Variants in SF3A1 observed in about 807,000 individuals in gnomAD.
The protein encoded by SF3A1 is SAP 114.
A neutral mutation model predicts 89.9 loss-of-function variants in SF3A1; 13 were observed. The observed-to-expected ratio is 0.14, with a 90% CI of 0.09 to 0.23. SF3A1 has a LOEUF of 0.23. SF3A1 is among the 10% of genes least tolerant of loss of function. SF3A1 has a pLI of 1.00. For missense variants in SF3A1, 604 were observed against 1,022.1 expected (o/e 0.59, Z 5.58); for synonymous variants, 405 against 374.4 (o/e 1.08, Z -0.94).
At position 30,339,032 on chromosome 22, in the gene SF3A1, C is replaced by A; in HGVS notation, c.1500G>T (p.Val500=). 6.2e-7 allele frequency: 1 copy of A among 1,613,986 alleles called. No homozygotes were observed. Among genetic ancestry groups the A allele is most frequent in the South Asian group, 1.1e-5 (1 of 91,060 alleles). Residue 500 remains valine, a splice_region_variant and synonymous_variant, in exon 11 of 16, where the codon GTG becomes GTT. Transcript: ENST00000215793. ...EEEIQKPEEK[V]TWDGHSGSMA... Reference sequence around the variant, plus strand: ...TGCTGCCTGAGTGGCCATCCCAGGTCACCTGCAAGTGAAAGCAAAGCCACA... The same window carrying A: ...TGCTGCCTGAGTGGCCATCCCAGGTAACCTGCAAGTGAAAGCAAAGCCACA...
Position 30,345,181 on chromosome 22 carries a change from G to T in SF3A1, c.403C>A (p.Gln135Lys), listed in dbSNP as rs1931381660. The T allele has an allele frequency of 1.2e-6, 2 of 1,613,180 alleles. No individual in the cohort carries two copies. The highest frequency in any genetic ancestry group is 8.5e-7 in the Non-Finnish European group (1 of 1,179,178). ...GGCACGATGGTCTCTTGGATTACTT[G>T]GGCTTGGACCTAAGATGCAAAGGGA... ...QQQLPQKVQAQVIQETIVPKE... is the reference protein window; with the variant it reads ...QQQLPQKVQAKVIQETIVPKE... The change falls in exon 4 of 16, where the codon CAA becomes AAA. Residue 135 changes from glutamine to lysine, a missense_variant. By Grantham distance (53) the Gln-to-Lys change is moderately conservative. Transcript: ENST00000215793.
intron 2 of SF3A1, among the ~76,000 whole-genome samples, chr22:30,349,342 A>G (rs556934272): frequency 6.6e-6 from 1 of 152,328 alleles, no homozygotes; most frequent in South Asian, 2.1e-4. Context: ...GTGCAGTGGC[A>G]CAATCTTGGC....
At chr22:30,356,596 G>C in intron 1 of SF3A1, 134 bp downstream of exon 1, 1 of 652,934 alleles carries the variant, frequency 1.5e-6, no homozygotes. Flanking sequence ...CCACCATAGC[G>C]CGGGAAGCGC....
chr22:30,337,916 C>T lies in SF3A1; in HGVS notation c.1744-19G>A, dbSNP rs1431033051. 2 of 1,577,436 alleles carry T rather than the reference C, an allele frequency of 1.3e-6. No individual in the cohort carries two copies. The highest frequency in any genetic ancestry group is 1.3e-5 in the African/African-American group (1 of 74,526). On this transcript the variant is annotated intron_variant, in intron 11 of 15. Coordinates refer to ENST00000215793, the MANE Select transcript of SF3A1 (RefSeq NM_005877.6). ...GTGGCATCTGTGCAGGAAAGAGACC[C>T]ACAGATTACAGGAAGCCAAAGTTGG... is the stretch of plus-strand genomic sequence containing the variant.
chr22:30,345,677 G>C (rs373436414), intron 3 of SF3A1, among the ~76,000 whole-genome samples: 1 of 152,188 alleles, frequency 6.6e-6, no homozygotes, highest in Non-Finnish European at 1.5e-5. Context: ...TCATTGCAAC[G>C]CAAGGTCTTA....
rs141436601 is a variant in SF3A1, at chr22:30,345,098, G to A, written c.486C>T (p.Phe162=). The change falls in exon 4 of 16, where the codon TTC becomes TTT. Residue 162 remains phenylalanine (F), a synonymous_variant. Transcript: ENST00000215793. ...CCGTCAGCTTCACCACATCCAAGTC[G>A]AAGGCTGAGATAGAGGGAGGATCAG... ...FIADPPSISA[F]DLDVVKLTAQ... 9.2e-4 allele frequency: 1,480 copies of A among 1,614,188 alleles called. No individual in the cohort carries two copies. The highest frequency in any genetic ancestry group is 1.2e-3 in the Non-Finnish European group (1,405 of 1,180,042).
At position 30,342,221 on chromosome 22, in the gene SF3A1, C is replaced by T; in HGVS notation, c.856G>A (p.Asp286Asn). 6.2e-7 allele frequency: 1 copy of T among 1,614,178 alleles called. No homozygotes were observed. Among genetic ancestry groups the T allele is most frequent in the South Asian group, 1.1e-5 (1 of 91,086 alleles). ...WHDFVVVETV[D>N]FQPNEQGNFP... Reference sequence around the variant, plus strand: ...CTACCTTGCTCATTGGGTTGGAAGTCCACTGTTTCCACCACCACAAAATCA... The same window carrying T: ...CTACCTTGCTCATTGGGTTGGAAGTTCACTGTTTCCACCACCACAAAATCA... The change falls in exon 6 of 16, where the codon GAC (aspartate) becomes AAC (asparagine). Residue 286 changes from aspartate (D) to asparagine (N), a missense_variant. This residue lies in a region of SF3A1 where 146 missense variants were observed against 228.5 expected (regional missense o/e 0.64). Coordinates refer to ENST00000215793, the MANE Select transcript of SF3A1 (RefSeq NM_005877.6).
intron 1 of SF3A1, among the ~76,000 whole-genome samples, chr22:30,355,604 G>A (rs1208066039): frequency 6.6e-6 from 1 of 152,148 alleles, no homozygotes. Context: ...CAAATCCTAA[G>A]TAAGAATCGC....
intron 6 of SF3A1, 26 bp from the exon 7 acceptor site, chr22:30,341,911 T>C: frequency 6.2e-7 from 1 of 1,600,520 alleles, no homozygotes; most frequent in Non-Finnish European, 8.5e-7. Context: ...GAGGCAAAGG[T>C]ATTCCTTATC....
At chr22:30,338,737 C>T in intron 11 of SF3A1, 52 bp downstream of exon 11, 1 of 1,610,924 alleles carries the variant, frequency 6.2e-7, no homozygotes, top group South Asian at 1.1e-5. Flanking sequence ...CAGTGTCCGA[C>T]CTCAAGAATG....
chr22:30,350,166 T>C (rs1200643282), intron 2 of SF3A1, among the ~76,000 whole-genome samples: 2 of 151,930 alleles, frequency 1.3e-5, no homozygotes, highest in East Asian at 1.9e-4. Context: ...AAATGAAATG[T>C]TGGGAACAGG....
intron 5 of SF3A1, chr22:30,342,595 A>G: frequency 3.2e-6 from 2 of 625,022 alleles, no homozygotes; most frequent in South Asian, 4.0e-5. Flanking sequence ...AAAGAGGGAG[A>G]TATATTGAGG....
chr22:30,344,706 G>A (rs540300631), intron 4 of SF3A1, among the ~76,000 whole-genome samples: 9 of 152,356 alleles, frequency 5.9e-5, no homozygotes, highest in Admixed American at 6.5e-5. Flanking sequence ...ATGGTAGTTA[G>A]CAAGCATGTA....
intron 4 of SF3A1, among the ~76,000 whole-genome samples, chr22:30,344,356 C>G (rs931887358): frequency 1.3e-5 from 2 of 152,242 alleles, no homozygotes; most frequent in Non-Finnish European, 2.9e-5. Flanking sequence ...TACATGACAT[C>G]AAAGTGTCTC....
rs905031226 is a variant in SF3A1, at chr22:30,334,493, T to G, written c.*101A>C. On this transcript the variant is annotated 3_prime_UTR_variant, in exon 16 of 16. Coordinates refer to ENST00000215793, the MANE Select transcript of SF3A1 (RefSeq NM_005877.6). ...AAACTGAGTAAGAGCGAAACAAATA[T>G]GCAGGCAAGGCAAAGCCTCAGGGGG... The G allele has an allele frequency of 4.4e-6, 3 of 685,754 alleles. No homozygotes were observed. The East Asian group carries it at 8.7e-5, about 20-fold the overall frequency. 42.5% of individuals were successfully genotyped at this position (685,754 alleles called of 1,614,324 possible).
At chr22:30,339,344 G>A in intron 9 of SF3A1, 93 bp from the exon 10 acceptor site, 1 of 1,519,820 alleles carries the variant, frequency 6.6e-7, no homozygotes, top group Non-Finnish European at 9.0e-7. Flanking sequence ...GCAGGGAGGA[G>A]GCTGGTTCCA....
In SF3A1 at chr22:30,346,363, G is replaced by A. The variant is rs1401327042; in HGVS notation, c.342C>T (p.Pro114=). The A allele has an allele frequency of 9.9e-6, 16 of 1,613,992 alleles. No homozygotes were observed. Among genetic ancestry groups the A allele is most frequent in the Non-Finnish European group, 1.4e-5 (16 of 1,179,908 alleles). The change falls in exon 3 of 16, where the codon CCC becomes CCT. Residue 114 remains proline (P), a synonymous_variant. Coordinates refer to ENST00000215793, the MANE Select transcript of SF3A1 (RefSeq NM_005877.6). The part of the protein sequence containing the change: ...GKAQEPSAAI[P]KVMQQQQQTT... ...TCTGCTGCTGCTGCTGCATGACCTT[G>A]GGGATGGCGGCGGACGGCTCCTGAG...
chr22:30,339,718 G>A (rs1931188453), intron 9 of SF3A1, among the ~76,000 whole-genome samples: 1 of 152,206 alleles, frequency 6.6e-6, no homozygotes, highest in Non-Finnish European at 1.5e-5. Context: ...TGGAGCCACT[G>A]CACTCCAGCC....
At chr22:30,356,708 C>T in intron 1 of SF3A1, 22 bp downstream of exon 1, 1 of 1,471,714 alleles carries the variant, frequency 6.8e-7, no homozygotes, top group Non-Finnish European at 9.0e-7. Flanking sequence ...CGGCTGCAGG[C>T]TGAGGGGCGG....
Sources: gnomAD v4.1 joint callset for allele counts (sites outside exome capture counted in the v4.1 genomes callset) on GRCh38, gnomAD v4.1.1 for gene constraint, gnomAD v4.1.1 regional missense constraint, MANE v1.5 for transcripts, NCBI Gene and HGNC (gene_info 2026-07-23, HGNC 2026-07-21) for gene names.